Variants in MYO9A observed in about 807,000 individuals in gnomAD.
MYO9A encodes the protein unconventional myosin-IXa.
MYO9A carries 103 observed loss-of-function variants against 293.3 expected under a neutral mutation model. That is an observed-to-expected ratio of 0.35 (90% CI 0.30 to 0.41). The LOEUF (loss-of-function observed/expected upper bound fraction) is 0.41. Among genes scored for constraint, MYO9A ranks in the 10% least tolerant of loss-of-function variants. MYO9A has a pLI of 1.00. For synonymous variants in MYO9A, 1,001 were observed against 1,035.7 expected (o/e 0.97, Z 0.64); for missense variants, 2,685 against 3,033.0 (o/e 0.89, Z 2.69).
chr15:71,904,138 TGGA>T, intron 20 of MYO9A, 99 bp from the exon 21 acceptor site: 1 of 945,444 alleles, frequency 1.1e-6, no homozygotes, highest in Non-Finnish European at 1.6e-6. Flanking sequence ...AGAGATTGAC[TGGA>T]GGTTGTCTGG....
In MYO9A at chr15:71,842,392, A is replaced by G. The variant is rs28725466; in HGVS notation, c.6837+6453T>C. Among the ~76,000 whole-genome samples, 857 of 151,840 alleles carry G rather than the reference A, an allele frequency of 5.6e-3. 11 individuals are homozygous for G. The highest frequency in any genetic ancestry group is 0.02 in the African/African-American group (811 of 41,394). On this transcript the variant is annotated intron_variant, in intron 39 of 41. Transcript: ENST00000356056. ...ACTCTGTCTCAATTAAAAAGCAAACAAAAAATTAACTCATTTAATCCTAAG... is the reference window on the plus strand; with the variant it reads ...ACTCTGTCTCAATTAAAAAGCAAACGAAAAATTAACTCATTTAATCCTAAG...
rs1307006954 is a variant in MYO9A at position 71,898,626 on chromosome 15, G to A, written c.3877C>T (p.Arg1293Cys). 8 of 1,614,022 alleles carry A rather than the reference G, an allele frequency of 5.0e-6. No homozygotes were observed. Among genetic ancestry groups the A allele is most frequent in the Non-Finnish European group, 5.1e-6 (6 of 1,180,002 alleles). The change falls in exon 25 of 42, where the codon CGT becomes TGT. Residue 1293 changes from arginine (R) to cysteine (C), a missense_variant. Transcript: ENST00000356056. Reference sequence around the variant, plus strand: ...GAAGGAGAAATACCACCAAGAGAACGAACTTTCAGCAATTCTAAGCTAAAT... The same window carrying A: ...GAAGGAGAAATACCACCAAGAGAACAAACTTTCAGCAATTCTAAGCTAAAT... ...AIFSLELLKVRSLGGISPSED... is the reference protein window; with the variant it reads ...AIFSLELLKVCSLGGISPSED...
chr15:72,113,647 T>G (rs2080862114), intron 1 of MYO9A, among the ~76,000 whole-genome samples: 1 of 152,232 alleles, frequency 6.6e-6, no homozygotes, highest in Admixed American at 6.5e-5. Flanking sequence ...GTGTGGGCCA[T>G]GCTCACAACC....
intron 2 of MYO9A, among the ~76,000 whole-genome samples, chr15:72,033,767 T>C (rs952603893): frequency 7.9e-5 from 12 of 152,240 alleles, no homozygotes; most frequent in Admixed American, 4.6e-4. Flanking sequence ...TTTAAATGTG[T>C]AGATTTTATT....
intron 19 of MYO9A, among the ~76,000 whole-genome samples, chr15:71,909,071 TTTTCATGGC>T: frequency 2.0e-5 from 3 of 152,216 alleles, no homozygotes. Flanking sequence ...CCTGCAAGCC[TTTTCATGGC>T]TTGAAAGCTC....
At chr15:71,993,500 C>A (rs1431862391) in intron 10 of MYO9A, among the ~76,000 whole-genome samples, 2 of 152,038 alleles carry the variant, frequency 1.3e-5, no homozygotes, top group Non-Finnish European at 2.9e-5. Flanking sequence ...TTTTATCTAT[C>A]ATTAAAAATA....
At chr15:71,890,239 T>G (rs142408523) in intron 26 of MYO9A, 1 of 152,070 alleles carries the variant, frequency 6.6e-6, no homozygotes, top group African/African-American at 2.4e-5. Context: ...TCTCAGAGAA[T>G]AGCAGAAATA....
At chr15:71,902,555 G>A (rs1191104574) in intron 22 of MYO9A, among the ~76,000 whole-genome samples, 1 of 152,034 alleles carries the variant, frequency 6.6e-6, no homozygotes, top group Non-Finnish European at 1.5e-5. Flanking sequence ...CTTTGTGAAA[G>A]GATTAAAGTG....
chr15:72,027,679 C>A (rs2077714969), intron 4 of MYO9A, 52 bp downstream of exon 4: 4 of 1,381,532 alleles, frequency 2.9e-6, no homozygotes, highest in South Asian at 2.5e-5. Flanking sequence ...AAAAGTCAGT[C>A]TGCGTGATAC....
intron 19 of MYO9A, among the ~76,000 whole-genome samples, chr15:71,906,375 C>T (rs1448345377): frequency 1.3e-5 from 2 of 152,132 alleles, no homozygotes; most frequent in Admixed American, 1.3e-4. Context: ...TCCTAATTGC[C>T]TACTTACCCT....
At chr15:72,021,266 A>G (rs1282912655) in intron 4 of MYO9A, among the ~76,000 whole-genome samples, 1 of 152,228 alleles carries the variant, frequency 6.6e-6, no homozygotes, top group African/African-American at 2.4e-5. Context: ...TCTCTTCTCC[A>G]TAAAACCAAT....
intron 31 of MYO9A, among the ~76,000 whole-genome samples, chr15:71,876,967 T>C (rs2056713941): frequency 6.6e-6 from 1 of 152,170 alleles, no homozygotes; most frequent in Non-Finnish European, 1.5e-5. Context: ...AACCTAGATC[T>C]AGAACTGAAG....
intron 2 of MYO9A, among the ~76,000 whole-genome samples, chr15:72,037,277 A>C (rs2078081153): frequency 6.6e-6 from 1 of 151,718 alleles, no homozygotes; most frequent in South Asian, 2.1e-4. Context: ...AAAAAAAAAA[A>C]AAAAACACCA....
chr15:71,852,351 G>C, intron 35 of MYO9A, 91 bp from the exon 36 acceptor site: 2 of 1,198,558 alleles, frequency 1.7e-6, no homozygotes, highest in South Asian at 1.9e-5. Context: ...TTAAAGGAAG[G>C]CTTCATGTTT....
intron 8 of MYO9A, among the ~76,000 whole-genome samples, chr15:72,003,605 G>A (rs1431723974): frequency 6.6e-6 from 1 of 151,452 alleles, no homozygotes; most frequent in Non-Finnish European, 1.5e-5. Context: ...TCGGGAAGCT[G>A]AGGCAGGAGA....
rs2057589091 is a variant in MYO9A, at chr15:71,904,993, T to A, written c.2699A>T (p.Lys900Met). Reference protein sequence around the residue: ...ISAQFQASLSKLMETLGQAEP... With the variant: ...ISAQFQASLSMLMETLGQAEP... ...TGCTTGACCAAGTGTTTCCATTAGC[T>A]TGCTTAATGATGCCTGCAACAGAAA... The change falls in exon 20 of 42, where the codon AAG becomes ATG. Residue 900 changes from lysine to methionine, a missense_variant. Transcript: ENST00000356056. 2 of 1,603,510 alleles carry A rather than the reference T, an allele frequency of 1.2e-6. No individual in the cohort carries two copies. Among genetic ancestry groups the A allele is most frequent in the Admixed American group, 3.3e-5 (2 of 59,854 alleles).
chr15:71,922,468 T>C (rs879767924), intron 18 of MYO9A, among the ~76,000 whole-genome samples: 3 of 152,346 alleles, frequency 2.0e-5, no homozygotes, highest in East Asian at 1.9e-4. Context: ...GTGAGATCAC[T>C]TGAAATTTAC....
intron 6 of MYO9A, among the ~76,000 whole-genome samples, chr15:72,014,746 A>G (rs548388495): frequency 1.3e-5 from 2 of 150,588 alleles, no homozygotes; most frequent in African/African-American, 4.9e-5. Context: ...AGAGAGAAAG[A>G]AAGGAAAGAA....
intron 1 of MYO9A, among the ~76,000 whole-genome samples, chr15:72,062,089 C>G (rs1010201930): frequency 6.6e-6 from 1 of 152,186 alleles, no homozygotes; most frequent in African/African-American, 2.4e-5. Context: ...ACCCAGACCA[C>G]CAAGGCAGTA....
Sources: allele counts gnomAD v4.1 joint callset (sites outside exome capture counted in the v4.1 genomes callset), GRCh38; gene constraint gnomAD v4.1.1; transcripts MANE v1.5; gene names NCBI Gene and HGNC (gene_info 2026-07-23, HGNC 2026-07-21).